Variants in DACH1 observed in about 807,000 individuals in gnomAD.
DACH1 encodes the protein dachshund homolog 1.
DACH1 carries 12 observed loss-of-function variants against 54.2 expected under a neutral mutation model. That is an observed-to-expected ratio of 0.22 (90% CI 0.14 to 0.36). The LOEUF (loss-of-function observed/expected upper bound fraction) is 0.36. Among genes scored for constraint, DACH1 ranks in the 10% least tolerant of loss-of-function variants. The pLI, the probability that DACH1 is intolerant of heterozygous loss-of-function variation, is 1.00. For synonymous variants in DACH1, 386 were observed against 366.2 expected (o/e 1.05, Z -0.62); for missense variants, 805 against 929.8 (o/e 0.87, Z 1.75).
At chr13:71,556,588 T>C (rs754621704) in intron 6 of DACH1, among the ~76,000 whole-genome samples, 1 of 152,160 alleles carries the variant, frequency 6.6e-6, no homozygotes, top group Non-Finnish European at 1.5e-5. Flanking sequence ...AGTAGTACAT[T>C]GACATATAAA....
rs570554637 is a variant in DACH1, at chr13:71,574,772, A to C, written c.1127-1760T>G. On this transcript the variant is annotated intron_variant, in intron 3 of 10. Transcript: ENST00000613252. ...TTTATTATCTTTATTATTTTACAAG[A>C]AACCATGACAGCTTTTGGTTTAAAA... Among the ~76,000 whole-genome samples, 9 of 152,212 alleles carry C rather than the reference A, an allele frequency of 5.9e-5. No individual in the cohort carries two copies. In the East Asian group the frequency reaches 1.5e-3, roughly 26 times the overall value.
chr13:71,795,579 G>T (rs1289961717), intron 1 of DACH1, among the ~76,000 whole-genome samples: 1 of 152,092 alleles, frequency 6.6e-6, no homozygotes, highest in Non-Finnish European at 1.5e-5. Context: ...AACATATCAT[G>T]TACCTTTCTA....
chr13:71,589,737 A>T (rs961968874), intron 3 of DACH1, among the ~76,000 whole-genome samples: 1 of 152,024 alleles, frequency 6.6e-6, no homozygotes. Flanking sequence ...ATTGAAATAA[A>T]CTTCAACCCC....
At chr13:71,442,081 A>G (rs1289237376) in intron 10 of DACH1, among the ~76,000 whole-genome samples, 1 of 152,032 alleles carries the variant, frequency 6.6e-6, no homozygotes, top group African/African-American at 2.4e-5. Flanking sequence ...AAATGTACCA[A>G]TTACTATGAA....
rs184369120 is a variant in DACH1, at chr13:71,664,224, C to A, written c.964+17571G>T. ...ACTAAATTCACTTTAAGACAACTGT[C>A]AAAATTAAGCAGAGGTGAGTCAAGT... On this transcript the variant is annotated intron_variant, in intron 2 of 10. Transcript: ENST00000613252. Among the ~76,000 whole-genome samples the A allele has an allele frequency of 7.7e-4, 117 of 152,024 alleles. 1 individual carries two copies. In the East Asian group the frequency reaches 0.017, roughly 22 times the overall value.
At chr13:71,631,996 G>A (rs1452241974) in intron 2 of DACH1, among the ~76,000 whole-genome samples, 1 of 152,062 alleles carries the variant, frequency 6.6e-6, no homozygotes, top group Admixed American at 6.6e-5. Flanking sequence ...TACTCAGGAG[G>A]CTGAGGTAGG....
intron 6 of DACH1, among the ~76,000 whole-genome samples, chr13:71,535,460 G>A (rs777796581): frequency 2.0e-5 from 3 of 151,788 alleles, no homozygotes; most frequent in Non-Finnish European, 4.4e-5. Flanking sequence ...CACAAATTTG[G>A]TCATGAAATA....
At chr13:71,512,176 T>A (rs149913437) in intron 6 of DACH1, among the ~76,000 whole-genome samples, 1 of 152,048 alleles carries the variant, frequency 6.6e-6, no homozygotes, top group East Asian at 1.9e-4. Flanking sequence ...TTTTTGAAAC[T>A]TTACTTTTGC....
rs561891450 is a variant in DACH1 at position 71,799,904 on chromosome 13, T to C, written c.848+66018A>G. Among the ~76,000 whole-genome samples the C allele has an allele frequency of 6.6e-5, 10 of 152,260 alleles. No homozygotes were observed. The East Asian group carries it at 9.6e-4, about 15-fold the overall frequency. The stretch of plus-strand genomic sequence containing the variant: ...AAATCTTGATTGTTCATGTGTCTTA[T>C]ATGTGTGTACACTATTTTATTAGTG... On this transcript the variant is annotated intron_variant, in intron 1 of 10. Transcript: ENST00000613252.
intron 1 of DACH1, among the ~76,000 whole-genome samples, chr13:71,829,726 A>T (rs1022207773): frequency 6.6e-6 from 1 of 151,958 alleles, no homozygotes; most frequent in Non-Finnish European, 1.5e-5. Flanking sequence ...CCCGGAGAGC[A>T]GTATGGTACA....
chr13:71,709,644 C>G (rs953182466), intron 1 of DACH1, among the ~76,000 whole-genome samples: 3 of 152,122 alleles, frequency 2.0e-5, no homozygotes, highest in Admixed American at 1.3e-4. Context: ...TATAATTGCT[C>G]TATTTCATTA....
At chr13:71,708,998 G>A (rs1441510741) in intron 1 of DACH1, among the ~76,000 whole-genome samples, 5 of 151,410 alleles carry the variant, frequency 3.3e-5, no homozygotes, top group African/African-American at 9.7e-5. Flanking sequence ...GACTACAGGC[G>A]CCCGCCACCA....
rs545632725 is a variant in DACH1 at position 71,715,788 on chromosome 13, A to T, written c.849-33878T>A. 9.9e-5 allele frequency among the ~76,000 whole-genome samples: 15 copies of T among 152,242 alleles called. No individual in the cohort carries two copies. The South Asian group carries it at 2.9e-3, about 29-fold the overall frequency. ...TTTCTTCAGTTGTTTCTCCTAAAAA[A>T]AAATAACAAAAACTCTGGAGACTGA... On this transcript the variant is annotated intron_variant, in intron 1 of 10. Transcript: ENST00000613252.
intron 4 of DACH1, among the ~76,000 whole-genome samples, chr13:71,565,349 A>G (rs903243788): frequency 1.3e-5 from 2 of 152,178 alleles, no homozygotes; most frequent in African/African-American, 4.8e-5. Flanking sequence ...CTTACTATGT[A>G]CCAGGCAGGA....
rs1026173066 is a variant in DACH1 at position 71,437,993 on chromosome 13, T to C, written c.*2662A>G. ...GATTTCAGACAGTTTTATTAGGAGATTGTTGAAAAGGAAAAGAAAATTAAA... is the reference window on the plus strand; with the variant it reads ...GATTTCAGACAGTTTTATTAGGAGACTGTTGAAAAGGAAAAGAAAATTAAA... On this transcript the variant is annotated 3_prime_UTR_variant, in exon 11 of 11. Coordinates refer to ENST00000613252, the MANE Select transcript of DACH1 (RefSeq NM_080759.6). 12 of 152,428 alleles carry C rather than the reference T, an allele frequency of 7.9e-5. No individual in the cohort carries two copies. The highest frequency in any genetic ancestry group is 6.2e-4 in the South Asian group (3 of 4,818). 9.4% of individuals were successfully genotyped at this position (152,428 alleles called of 1,614,324 possible).
chr13:71,453,692 G>A (rs1418745904), intron 10 of DACH1, among the ~76,000 whole-genome samples: 1 of 152,048 alleles, frequency 6.6e-6, no homozygotes, highest in African/African-American at 2.4e-5. Flanking sequence ...GTTTAGGGAG[G>A]TAACTGTGGG....
At position 71,563,353 on chromosome 13, in the gene DACH1, C is replaced by T. The variant is rs534622568; in HGVS notation, c.1300-3398G>A. Among the ~76,000 whole-genome samples the T allele has an allele frequency of 1.1e-4, 17 of 151,956 alleles. 3 individuals carry two copies. Among genetic ancestry groups the T allele is most frequent in the African/African-American group, 3.6e-4 (15 of 41,534 alleles). ...AATCAGTCTCTCTAAAATGATTTTGCAAGTCTGATTTTCCTGTCATAATAG... is the reference window on the plus strand; with the variant it reads ...AATCAGTCTCTCTAAAATGATTTTGTAAGTCTGATTTTCCTGTCATAATAG... On this transcript the variant is annotated intron_variant, in intron 4 of 10. Coordinates refer to ENST00000613252, the MANE Select transcript of DACH1 (RefSeq NM_080759.6).
At chr13:71,850,840 A>T (rs1344588667) in intron 1 of DACH1, among the ~76,000 whole-genome samples, 2 of 152,220 alleles carry the variant, frequency 1.3e-5, no homozygotes, top group Non-Finnish European at 2.9e-5. Flanking sequence ...ATAACTTTAA[A>T]ATGCAACAAT....
intron 1 of DACH1, among the ~76,000 whole-genome samples, chr13:71,746,036 G>A (rs964839461): frequency 7.2e-5 from 11 of 152,126 alleles, no homozygotes; most frequent in African/African-American, 2.4e-4. Context: ...TGGCCAACAT[G>A]GTGAAAACCC....
Sources: allele counts gnomAD v4.1 joint callset (sites outside exome capture counted in the v4.1 genomes callset), GRCh38; gene constraint gnomAD v4.1.1; transcripts MANE v1.5; gene names NCBI Gene and HGNC (gene_info 2026-07-23, HGNC 2026-07-21).